The following KCNA2 variants were observed in gnomAD, a reference collection of about 807,000 sequenced individuals.
The protein encoded by KCNA2 is potassium voltage-gated channel subfamily A member 2, also known as potassium channel, voltage gated shaker related subfamily A, member 2.
In KCNA2, 11 loss-of-function variants were observed where a neutral mutation model predicts 33.4. The observed-to-expected ratio is 0.33, with a 90% CI of 0.21 to 0.55. The LOEUF (loss-of-function observed/expected upper bound fraction) is 0.55, where lower values mean the gene tolerates loss of function less well. KCNA2 is among the 20% of genes least tolerant of loss of function. The pLI is 0.93. For missense variants in KCNA2, 291 were observed against 621.6 expected (o/e 0.47, Z 5.66); for synonymous variants, 222 against 231.3 (o/e 0.96, Z 0.37).
In KCNA2 at chr1:110,629,110, C is replaced by T. The variant is rs561928236; in HGVS notation, c.-496+2285G>A. On this transcript the variant is annotated intron_variant, in intron 1 of 4. Transcript: ENST00000369770. ...AATGTTGGCTGCATATTAGAATTGC[C>T]TGGGGAAGCTTTAAAATTCTAGTGC... Among the ~76,000 whole-genome samples, 347 of 152,232 alleles carry T rather than the reference C, an allele frequency of 2.3e-3. 4 individuals carry two copies. Among genetic ancestry groups the T allele is most frequent in the African/African-American group, 8.2e-3 (341 of 41,534 alleles).
Position 110,603,123 on chromosome 1 carries a change from T to C in KCNA2, c.*160A>G. On this transcript the variant is annotated 3_prime_UTR_variant, in exon 3 of 3. Coordinates refer to ENST00000316361, the MANE Select transcript of KCNA2 (RefSeq NM_004974.4). This position sits in a 1 kb window ranked among gnomAD's most constrained non-coding sequence, Gnocchi z 5.7. ...CATGAAAGCCATGATAGATATTCTGTGTTCTAAATCAAAAGTCAAAAGATC... is the reference window on the plus strand; with the variant it reads ...CATGAAAGCCATGATAGATATTCTGCGTTCTAAATCAAAAGTCAAAAGATC... 1 of 1,434,720 alleles carries C rather than the reference T, an allele frequency of 7.0e-7. No homozygotes were observed. The highest frequency in any genetic ancestry group is 9.1e-7 in the Non-Finnish European group (1 of 1,099,440). The allele number at this position is 1,434,720 out of a possible 1,614,324, so 88.9% of individuals were successfully genotyped here. A position where few individuals can be genotyped will look rare whatever the true frequency, so the allele number is the denominator to read the frequency against.
intron 1 of KCNA2, among the ~76,000 whole-genome samples, chr1:110,620,053 C>CGAGAGAGAGAGAGAGAGCGAGAGA (rs1650203854): frequency 7.9e-6 from 1 of 126,748 alleles, no homozygotes; most frequent in Admixed American, 8.0e-5. Flanking sequence ...AGAGCGAGAG[C>CGAGAGAGAGAGAGAGAGCGAGAGA]GAGAGAGAGA....
chr1:110,608,071 C>T (rs1045390161), upstream of KCNA2: 2 of 152,516 alleles, frequency 1.3e-5, no homozygotes, highest in Admixed American at 6.5e-5. Context: ...CGCCGCTGCC[C>T]TTGGGAATGG....
chr1:110,606,136 C>A (rs734376), intron 1 of KCNA2, 92 bp downstream of exon 1: 33,263 of 155,580 alleles, frequency 0.21, 5,354 homozygotes, highest in African/African-American at 0.41. Flanking sequence ...AAAAGAAGCA[C>A]CCCACCCCCC....
Position 110,599,027 on chromosome 1 carries a change from C to T in KCNA2, c.*4256G>A. On this transcript the variant is annotated 3_prime_UTR_variant, in exon 3 of 3. Transcript: ENST00000316361. The stretch of plus-strand genomic sequence containing the variant: ...ACCTTGACCTGGAAACACAAGTTTC[C>T]AGCAAAGCACACGTTTTGGACCCAT... The T allele has an allele frequency of 1.0e-6, 1 of 985,330 alleles. No homozygotes were observed. The highest frequency in any genetic ancestry group is 1.2e-6 in the Non-Finnish European group (1 of 829,890). 61.0% of individuals were successfully genotyped at this position (985,330 alleles called of 1,614,324 possible). A position where few individuals can be genotyped will look rare whatever the true frequency, so the allele number is the denominator to read the frequency against.
chr1:110,595,040 T>C lies in KCNA2; in HGVS notation c.*8243A>G. On this transcript the variant is annotated 3_prime_UTR_variant, in exon 3 of 3. Coordinates refer to ENST00000316361, the MANE Select transcript of KCNA2 (RefSeq NM_004974.4). ...AAGGCATTCGGTGTCTAGGGAATCATTTTCAAGGAGAAGCAGGGCTTAGAG... is the reference window on the plus strand; with the variant it reads ...AAGGCATTCGGTGTCTAGGGAATCACTTTCAAGGAGAAGCAGGGCTTAGAG... 1.0e-6 allele frequency: 1 copy of C among 985,332 alleles called. No homozygotes were observed. The allele number at this position is 985,332 out of a possible 1,614,324, so 61.0% of individuals were successfully genotyped here. A position where few individuals can be genotyped will look rare whatever the true frequency, so the allele number is the denominator to read the frequency against.
chr1:110,604,373 T>C lies in KCNA2; in HGVS notation c.410A>G (p.Glu137Gly). ...AAACTCATTTTCAGGCAGAGGACGCTCTTCCTCCTTGATGTAGCCTTCATC... is the reference window on the plus strand; with the variant it reads ...AAACTCATTTTCAGGCAGAGGACGCCCTTCCTCCTTGATGTAGCCTTCATC... Reference protein sequence around the residue: ...REDEGYIKEEERPLPENEFQR... With the variant: ...REDEGYIKEEGRPLPENEFQR... The change falls in exon 3 of 3, where the codon GAG becomes GGG. Residue 137 changes from glutamate (E) to glycine (G), a missense_variant. By Grantham distance (98) the Glu-to-Gly change is moderately conservative. This residue lies in a region of KCNA2 where 163 missense variants were observed against 273.5 expected (regional missense o/e 0.60). Transcript: ENST00000316361. This position sits in a 1 kb window ranked among gnomAD's most constrained non-coding sequence, Gnocchi z 7.6. 6.2e-7 allele frequency: 1 copy of C among 1,614,136 alleles called. No individual in the cohort carries two copies. The highest frequency in any genetic ancestry group is 8.5e-7 in the Non-Finnish European group (1 of 1,180,032).
In KCNA2 at chr1:110,594,168, A is replaced by G; in HGVS notation, c.*9115T>C. ...TTTGAGTTTTCAGCAATTATTAGAGACAGGACATGGGAGGGCAGCTGAAGA... is the reference window on the plus strand; with the variant it reads ...TTTGAGTTTTCAGCAATTATTAGAGGCAGGACATGGGAGGGCAGCTGAAGA... On this transcript the variant is annotated 3_prime_UTR_variant, in exon 3 of 3. Transcript: ENST00000316361. 1 of 1,310,556 alleles carries G rather than the reference A, an allele frequency of 7.6e-7. No homozygotes were observed. Among genetic ancestry groups the G allele is most frequent in the African/African-American group, 1.5e-5 (1 of 66,238 alleles). 81.2% of individuals were successfully genotyped at this position (1,310,556 alleles called of 1,614,324 possible). A position where few individuals can be genotyped will look rare whatever the true frequency, so the allele number is the denominator to read the frequency against.
chr1:110,600,479 T>C lies in KCNA2; in HGVS notation c.*2804A>G, dbSNP rs891214506. 49 of 985,058 alleles carry C rather than the reference T, an allele frequency of 5.0e-5. No homozygotes were observed. The highest frequency in any genetic ancestry group is 5.9e-5 in the Non-Finnish European group (49 of 829,800). The allele number at this position is 985,058 out of a possible 1,614,324, so 61.0% of individuals were successfully genotyped here. ...ATATCTGTGCAGAGTGTGCATTTTATATACAATTATAACCATATATCTTCT... is the reference window on the plus strand; with the variant it reads ...ATATCTGTGCAGAGTGTGCATTTTACATACAATTATAACCATATATCTTCT... On this transcript the variant is annotated 3_prime_UTR_variant, in exon 3 of 3. Coordinates refer to ENST00000316361, the MANE Select transcript of KCNA2 (RefSeq NM_004974.4).
intron 1 of KCNA2, among the ~76,000 whole-genome samples, chr1:110,613,319 C>A (rs1185623681): frequency 6.6e-6 from 1 of 152,254 alleles, no homozygotes; most frequent in African/African-American, 2.4e-5. Flanking sequence ...TGTCCATCTG[C>A]ACGCAGTCTT....
Position 110,621,390 on chromosome 1 carries a change from G to A in KCNA2, c.-496+10005C>T, listed in dbSNP as rs190136438. On this transcript the variant is annotated intron_variant, in intron 1 of 4. Coordinates refer to the KCNA2 transcript ENST00000369770. ...TGGCAGAGTGAAGATAAAATTATAT[G>A]CTTATATTAGAAAAGAAGATCTTAC... Among the ~76,000 whole-genome samples the A allele has an allele frequency of 3.5e-3, 527 of 152,270 alleles. 1 individual carries two copies. The highest frequency in any genetic ancestry group is 5.1e-3 in the Non-Finnish European group (344 of 68,016).
rs1649453163 is a variant in KCNA2 at position 110,603,498 on chromosome 1, A to G, written c.1285T>C (p.Tyr429His). The G allele has an allele frequency of 6.2e-7, 1 of 1,613,940 alleles. No homozygotes were observed. The highest frequency in any genetic ancestry group is 1.3e-5 in the African/African-American group (1 of 74,890). Reference protein sequence around the residue: ...RETEGEEQAQYLQVTSCPKIP... With the variant: ...RETEGEEQAQHLQVTSCPKIP... ...TTTGGACAGCTTGTCACTTGCAAGT[A>G]TTGGGCCTGTTCCTCTCCCTCTGTC... The change falls in exon 3 of 3, where the codon TAC (tyrosine) becomes CAC (histidine). Residue 429 changes from tyrosine to histidine, a missense_variant. Tyr to His is a moderately conservative substitution (Grantham distance 83, BLOSUM62 2). Coordinates refer to ENST00000316361, the MANE Select transcript of KCNA2 (RefSeq NM_004974.4). The surrounding 1 kb of genome is among the most constrained non-coding windows in gnomAD (Gnocchi z 5.7).
intron 1 of KCNA2, among the ~76,000 whole-genome samples, chr1:110,616,357 T>C (rs1347301549): frequency 6.6e-6 from 1 of 151,896 alleles, no homozygotes; most frequent in Non-Finnish European, 1.5e-5. Flanking sequence ...TCAGGTCAGC[T>C]CTGTGGGACA....
Position 110,596,887 on chromosome 1 carries a change from C to T in KCNA2, c.*6396G>A, listed in dbSNP as rs1649119312. ...TGGAATGGGACCCTGGGGTTGCCAGCCTTCCCTGATTGTCCAGTCTGAACA... is the reference window on the plus strand; with the variant it reads ...TGGAATGGGACCCTGGGGTTGCCAGTCTTCCCTGATTGTCCAGTCTGAACA... On this transcript the variant is annotated 3_prime_UTR_variant, in exon 3 of 3. Coordinates refer to ENST00000316361, the MANE Select transcript of KCNA2 (RefSeq NM_004974.4). 1.1e-5 allele frequency: 11 copies of T among 985,316 alleles called. No homozygotes were observed. Among genetic ancestry groups the T allele is most frequent in the Non-Finnish European group, 1.3e-5 (11 of 829,960 alleles). The allele number at this position is 985,316 out of a possible 1,614,324, so 61.0% of individuals were successfully genotyped here. A position where few individuals can be genotyped will look rare whatever the true frequency, so the allele number is the denominator to read the frequency against.
At position 110,602,053 on chromosome 1, in the gene KCNA2, C is replaced by T. The variant is rs1261208041; in HGVS notation, c.*1230G>A. On this transcript the variant is annotated 3_prime_UTR_variant, in exon 3 of 3. Transcript: ENST00000316361. Reference sequence around the variant, plus strand: ...ACCTGCCTGTCATCAGGACCAGATGCCCTGGTCCACTGTACAGTCATGCCC... The same window carrying T: ...ACCTGCCTGTCATCAGGACCAGATGTCCTGGTCCACTGTACAGTCATGCCC... The T allele has an allele frequency of 6.5e-7, 1 of 1,549,722 alleles. No homozygotes were observed. The highest frequency in any genetic ancestry group is 2.0e-5 in the Admixed American group (1 of 50,978).
chr1:110,629,780 G>A (rs1170039960), intron 1 of KCNA2, among the ~76,000 whole-genome samples: 1 of 152,152 alleles, frequency 6.6e-6, no homozygotes, highest in Non-Finnish European at 1.5e-5. Context: ...GATAGTAACA[G>A]ACAGAAATGT....
In KCNA2 at chr1:110,595,861, C is replaced by T. The variant is rs557004191; in HGVS notation, c.*7422G>A. 1 of 985,418 alleles carries T rather than the reference C, an allele frequency of 1.0e-6. No homozygotes were observed. Among genetic ancestry groups the T allele is most frequent in the South Asian group, 4.7e-5 (1 of 21,282 alleles). 61.0% of individuals were successfully genotyped at this position (985,418 alleles called of 1,614,324 possible). A position where few individuals can be genotyped will look rare whatever the true frequency, so the allele number is the denominator to read the frequency against. ...GAATGTTACTTTCAGATCTCACAAA[C>T]CTCAAACCTAGGGCACCACCAATGA... On this transcript the variant is annotated 3_prime_UTR_variant, in exon 3 of 3. Coordinates refer to ENST00000316361, the MANE Select transcript of KCNA2 (RefSeq NM_004974.4).
At chr1:110,625,920 T>C (rs1480755579) in intron 1 of KCNA2, among the ~76,000 whole-genome samples, 2 of 152,198 alleles carry the variant, frequency 1.3e-5, no homozygotes, top group Non-Finnish European at 2.9e-5. Flanking sequence ...ACCTATTGAT[T>C]TGGCAAAAAT....
In KCNA2 at chr1:110,599,920, G is replaced by A; in HGVS notation, c.*3363C>T. 3 of 985,414 alleles carry A rather than the reference G, an allele frequency of 3.0e-6. No homozygotes were observed. Among genetic ancestry groups the A allele is most frequent in the Non-Finnish European group, 3.6e-6 (3 of 829,936 alleles). The allele number at this position is 985,414 out of a possible 1,614,324, so 61.0% of individuals were successfully genotyped here. On this transcript the variant is annotated 3_prime_UTR_variant, in exon 3 of 3. Coordinates refer to ENST00000316361, the MANE Select transcript of KCNA2 (RefSeq NM_004974.4). Reference sequence around the variant, plus strand: ...TTCACACCCTGCACCCAGGTTTCTGGTGGGAGGAAGGTGAATTGGTAGAGA... The same window carrying A: ...TTCACACCCTGCACCCAGGTTTCTGATGGGAGGAAGGTGAATTGGTAGAGA...
Sources: allele counts gnomAD v4.1 joint callset (sites outside exome capture counted in the v4.1 genomes callset), GRCh38; gene constraint gnomAD v4.1.1; regional missense constraint gnomAD v4.1.1; non-coding constraint Gnocchi (gnomAD v3.1); transcripts MANE v1.5; gene names NCBI Gene and HGNC (gene_info 2026-07-23, HGNC 2026-07-21).